The following TTC23 variants were observed in gnomAD, a reference collection of about 807,000 sequenced individuals.
The protein encoded by TTC23 is tetratricopeptide repeat domain 23, also known as tetratricopeptide repeat protein 23.
In TTC23, 58 loss-of-function variants were observed where a neutral mutation model predicts 55.1. The observed-to-expected ratio is 1.05, with a 90% confidence interval of 0.85 to 1.31. The LOEUF (loss-of-function observed/expected upper bound fraction) is 1.31. Ranked by LOEUF, TTC23 falls within the 50% of genes most tolerant of loss-of-function variation. The pLI is 0.00. For synonymous variants in TTC23, 203 were observed against 199.9 expected (o/e 1.02, Z -0.13); for missense variants, 516 against 534.4 (o/e 0.97, Z 0.34).
chr15:99,226,658 A>G (rs1425359386), intron 5 of TTC23, among the ~76,000 whole-genome samples: 4 of 152,040 alleles, frequency 2.6e-5, no homozygotes, highest in Non-Finnish European at 5.9e-5. Context: ...CTTGCTTCAG[A>G]TATGTCCTGC....
At chr15:99,216,893 A>C (rs2077514417) in intron 8 of TTC23, among the ~76,000 whole-genome samples, 1 of 152,244 alleles carries the variant, frequency 6.6e-6, no homozygotes, top group African/African-American at 2.4e-5. Flanking sequence ...TAAACCTCAG[A>C]AAAAGTGTCA....
chr15:99,209,914 G>A lies in TTC23; in HGVS notation c.581+8674C>T, dbSNP rs1284706914. On this transcript the variant is annotated intron_variant, in intron 8 of 13. Transcript: ENST00000394132. ...AACGCCTGGCTAATTTTTTGTATTT[G>A]TAATTATGTATTAGTTGTATTAATT... is the stretch of plus-strand genomic sequence containing the variant. Among the ~76,000 whole-genome samples the A allele has an allele frequency of 3.9e-5, 6 of 151,974 alleles. No homozygotes were observed. The South Asian group carries it at 8.3e-4, about 21-fold the overall frequency.
At chr15:99,146,188 A>G (rs1555493189) in intron 12 of TTC23, among the ~76,000 whole-genome samples, 1 of 152,250 alleles carries the variant, frequency 6.6e-6, no homozygotes, top group Non-Finnish European at 1.5e-5. Context: ...CTTGCTATTG[A>G]GAGAAATCCT....
At chr15:99,176,165 T>C (rs780028213) in intron 9 of TTC23, among the ~76,000 whole-genome samples, 7 of 152,226 alleles carry the variant, frequency 4.6e-5, no homozygotes, top group Admixed American at 2.0e-4. Context: ...TTACATTCAT[T>C]CACACTTAGG....
intron 12 of TTC23, among the ~76,000 whole-genome samples, chr15:99,147,225 CT>C (rs58503901): frequency 0.011 from 1,275 of 112,574 alleles, 8 homozygotes; most frequent in Non-Finnish European, 0.015. Context: ...AAATTCATTC[CT>C]TTTTTTTTTT....
chr15:99,169,117 C>T (rs1345181079), intron 10 of TTC23, among the ~76,000 whole-genome samples: 1 of 152,204 alleles, frequency 6.6e-6, no homozygotes, highest in African/African-American at 2.4e-5. Flanking sequence ...ACCCTCACTT[C>T]CCCTTTCTCC....
chr15:99,157,547 C>G (rs1004673146), intron 11 of TTC23: 7 of 152,158 alleles, frequency 4.6e-5, no homozygotes, highest in Non-Finnish European at 8.8e-5. Context: ...GCTTTTCTCC[C>G]TCTGTCCACA....
intron 9 of TTC23, among the ~76,000 whole-genome samples, chr15:99,190,266 T>G (rs190964395): frequency 4.6e-4 from 69 of 151,170 alleles, no homozygotes; most frequent in Non-Finnish European, 4.7e-4. Flanking sequence ...TGTTTTTTTT[T>G]TTTGTTTGTT....
At chr15:99,183,108 G>C (rs2074307247) in intron 9 of TTC23, among the ~76,000 whole-genome samples, 1 of 152,190 alleles carries the variant, frequency 6.6e-6, no homozygotes, top group South Asian at 2.1e-4. Flanking sequence ...TTGTGGAATG[G>C]CTTTGGCCAA....
intron 13 of TTC23, chr15:99,139,066 AG>A (rs1596165710): frequency 1.9e-6 from 1 of 537,036 alleles, no homozygotes; most frequent in Non-Finnish European, 3.4e-6. Flanking sequence ...CTTAGCCTGC[AG>A]GGGCTGGTCT....
At chr15:99,154,287 C>G (rs2070242685) in intron 12 of TTC23, among the ~76,000 whole-genome samples, 1 of 152,056 alleles carries the variant, frequency 6.6e-6, no homozygotes, top group African/African-American at 2.4e-5. Flanking sequence ...CACAAAAATC[C>G]TAAAATAAAT....
Position 99,171,309 on chromosome 15 carries a change from C to T in TTC23, c.865+3741G>A, listed in dbSNP as rs951917431. On this transcript the variant is annotated intron_variant, in intron 10 of 13. Transcript: ENST00000394132. ...CATACAGACTGATGGGGACTTGGTC[C>T]TTTTGGGGTAGAACAACGAGTAGAG... Among the ~76,000 whole-genome samples the T allele has an allele frequency of 3.3e-5, 5 of 152,250 alleles. No individual in the cohort carries two copies. In the East Asian group the frequency reaches 9.7e-4, roughly 29 times the overall value.
Position 99,183,385 on chromosome 15 carries a change from G to C in TTC23, c.760-8230C>G, listed in dbSNP as rs1397662180. ...CACCCAGGCTGGAGTGCAGTGGTGCGATCTCGACTCACTGCAACCTCCGCC... is the reference window on the plus strand; with the variant it reads ...CACCCAGGCTGGAGTGCAGTGGTGCCATCTCGACTCACTGCAACCTCCGCC... On this transcript the variant is annotated intron_variant, in intron 9 of 13. Coordinates refer to ENST00000394132, the MANE Select transcript of TTC23 (RefSeq NM_001288615.3). Among the ~76,000 whole-genome samples the C allele has an allele frequency of 6.0e-5, 9 of 150,512 alleles. No homozygotes were observed. The East Asian group carries it at 1.8e-3, about 29-fold the overall frequency.
At chr15:99,149,151 C>T (rs1026121542) in intron 12 of TTC23, among the ~76,000 whole-genome samples, 2 of 152,208 alleles carry the variant, frequency 1.3e-5, no homozygotes, top group Admixed American at 6.5e-5. Flanking sequence ...ATTTGAGAAA[C>T]TCCAGTCAGC....
chr15:99,220,655 A>G (rs2077847796), intron 6 of TTC23, among the ~76,000 whole-genome samples: 1 of 152,224 alleles, frequency 6.6e-6, no homozygotes, highest in African/African-American at 2.4e-5. Flanking sequence ...GGGTGGCAAT[A>G]ATGAATACGC....
chr15:99,165,386 T>A (rs2071932893), intron 10 of TTC23, among the ~76,000 whole-genome samples: 1 of 152,196 alleles, frequency 6.6e-6, no homozygotes. Context: ...TTCCATAGGA[T>A]CTGTGTTAGA....
Position 99,161,831 on chromosome 15 carries a change from T to G in TTC23, c.902A>C (p.His301Pro). The stretch of plus-strand genomic sequence containing the variant: ...TCCCATCCCTTCAGAATCCTTAAGA[T>G]GAGCCATGCTCTCTTGAAAATACTG... ...AEQYFQESMA[H>P]LKDSEGMGRT... Residue 301 changes from histidine to proline, a missense_variant, in exon 11 of 14, where the codon CAT (histidine) becomes CCT (proline). His to Pro is a moderately conservative substitution (Grantham distance 77). Transcript: ENST00000394132. 1 of 1,613,122 alleles carries G rather than the reference T, an allele frequency of 6.2e-7. No individual in the cohort carries two copies. Among genetic ancestry groups the G allele is most frequent in the Non-Finnish European group, 8.5e-7 (1 of 1,179,814 alleles).
At chr15:99,193,416 TAGTG>T (rs1190591415) in intron 9 of TTC23, among the ~76,000 whole-genome samples, 7 of 152,226 alleles carry the variant, frequency 4.6e-5, no homozygotes, top group South Asian at 2.1e-4. Context: ...GTTCTTGTGA[TAGTG>T]AGTAAGTCTC....
intron 8 of TTC23, among the ~76,000 whole-genome samples, chr15:99,212,292 GCA>G (rs138133686): frequency 2.2e-4 from 33 of 149,180 alleles, no homozygotes; most frequent in African/African-American, 7.7e-4. Flanking sequence ...GTGTGTGTGT[GCA>G]TGCATGTGCA....
Sources: allele counts gnomAD v4.1 joint callset (sites outside exome capture counted in the v4.1 genomes callset), GRCh38; gene constraint gnomAD v4.1.1; transcripts MANE v1.5; gene names NCBI Gene and HGNC (gene_info 2026-07-23, HGNC 2026-07-21).